The following PRKG1 variants were observed in gnomAD, a reference collection of about 807,000 sequenced individuals.
PRKG1 encodes the protein protein kinase cGMP-dependent 1.
A neutral mutation model predicts 88.1 loss-of-function variants in PRKG1; 35 were observed. The observed-to-expected ratio is 0.40, with a 90% CI of 0.30 to 0.53. The LOEUF is 0.53. Among genes scored for constraint, PRKG1 ranks in the 20% least tolerant of loss-of-function variants. The pLI, the probability that PRKG1 is intolerant of heterozygous loss-of-function variation, is 0.59. For missense variants in PRKG1, 540 were observed against 839.8 expected, an observed-to-expected ratio of 0.64 and a Z score of 4.41; for synonymous variants, 303 against 292.5, an observed-to-expected ratio of 1.04 and a Z score of -0.37.
intron 7 of PRKG1, among the ~76,000 whole-genome samples, chr10:52,077,356 ATC>A (rs1846655674): frequency 6.6e-6 from 1 of 152,172 alleles, no homozygotes; most frequent in African/African-American, 2.4e-5. Context: ...AATTCTATCT[ATC>A]TAAGATATCT....
At chr10:51,286,916 G>A (rs143685524) in intron 2 of PRKG1, among the ~76,000 whole-genome samples, 118 of 152,182 alleles carry the variant, frequency 7.8e-4, no homozygotes, top group Admixed American at 1.8e-3. Context: ...TCACTCTGTC[G>A]CCCAGGCTGG....
intron 9 of PRKG1, among the ~76,000 whole-genome samples, chr10:52,244,784 A>G (rs1840969181): frequency 8.9e-6 from 1 of 112,990 alleles, no homozygotes; most frequent in African/African-American, 2.8e-5. Flanking sequence ...ATACCTTAAT[A>G]TATATTTAAA....
At chr10:52,002,518 G>A (rs1464063211) in intron 5 of PRKG1, among the ~76,000 whole-genome samples, 1 of 152,006 alleles carries the variant, frequency 6.6e-6, no homozygotes, top group Non-Finnish European at 1.5e-5. Context: ...CAATGGCACT[G>A]TGCTGTTGAC....
In PRKG1 at chr10:52,295,607, G is replaced by A. The variant is rs1195644247; in HGVS notation, c.*1707G>A. On this transcript the variant is annotated 3_prime_UTR_variant, in exon 18 of 18. Transcript: ENST00000373980. ...CAAGCTGTCATTCTGTTTTGGCCCTGTGTGAATTTGGTATATTAAATTGAC... is the reference window on the plus strand; with the variant it reads ...CAAGCTGTCATTCTGTTTTGGCCCTATGTGAATTTGGTATATTAAATTGAC... The A allele has an allele frequency of 1.3e-5, 2 of 151,760 alleles. No individual in the cohort carries two copies. Among genetic ancestry groups the A allele is most frequent in the South Asian group, 4.2e-4 (2 of 4,804 alleles). 9.4% of individuals were successfully genotyped at this position (151,760 alleles called of 1,614,324 possible).
chr10:51,782,547 G>A (rs968728677), intron 3 of PRKG1, among the ~76,000 whole-genome samples: 1 of 152,092 alleles, frequency 6.6e-6, no homozygotes, highest in Non-Finnish European at 1.5e-5. Flanking sequence ...GAGCTTGGAC[G>A]TTGATATGGT....
At chr10:51,344,068 T>G (rs997955646) in intron 2 of PRKG1, among the ~76,000 whole-genome samples, 2 of 152,220 alleles carry the variant, frequency 1.3e-5, no homozygotes, top group Admixed American at 6.5e-5. Context: ...TATAAAGAAA[T>G]ACCTGAGACT....
chr10:52,031,898 C>T (rs1845483098), intron 5 of PRKG1, among the ~76,000 whole-genome samples: 2 of 152,022 alleles, frequency 1.3e-5, no homozygotes, highest in Non-Finnish European at 1.5e-5. Flanking sequence ...AAGAACATTC[C>T]AGGATGAGAG....
intron 4 of PRKG1, among the ~76,000 whole-genome samples, chr10:51,836,020 T>G (rs1257575857): frequency 6.6e-6 from 1 of 152,184 alleles, no homozygotes; most frequent in Non-Finnish European, 1.5e-5. Context: ...TGTTGCCACT[T>G]GTATATTTTC....
At chr10:51,169,631 T>A (rs945920503) in intron 2 of PRKG1, among the ~76,000 whole-genome samples, 31 of 134,898 alleles carry the variant, frequency 2.3e-4, no homozygotes, top group Non-Finnish European at 2.9e-4. Flanking sequence ...TAGGGTTTGT[T>A]TTCTATGCAA....
Position 52,159,319 on chromosome 10 carries a change from C to T in PRKG1, c.1002-2570C>T, listed in dbSNP as rs974427687. ...AATAAATATTGGGTCATTAGGACAA[C>T]ATAGAACATTCATATTTTAAATCAA... is the stretch of plus-strand genomic sequence containing the variant. On this transcript the variant is annotated intron_variant, in intron 8 of 17. Transcript: ENST00000373980. Among the ~76,000 whole-genome samples, 19 of 151,628 alleles carry T rather than the reference C, an allele frequency of 1.3e-4. No homozygotes were observed. In the South Asian group the frequency reaches 1.7e-3, roughly 13 times the overall value.
At chr10:51,852,410 G>T (rs892840599) in intron 4 of PRKG1, among the ~76,000 whole-genome samples, 1 of 151,618 alleles carries the variant, frequency 6.6e-6, no homozygotes, top group Non-Finnish European at 1.5e-5. Flanking sequence ...CAGAGGTAGA[G>T]GTGAATAACA....
At chr10:52,040,946 C>G (rs1845741847) in intron 5 of PRKG1, among the ~76,000 whole-genome samples, 2 of 147,020 alleles carry the variant, frequency 1.4e-5, no homozygotes, top group African/African-American at 5.0e-5. Context: ...AAGCAATTCT[C>G]CTGCCTCAGC....
intron 2 of PRKG1, among the ~76,000 whole-genome samples, chr10:51,187,395 A>C (rs549465180): frequency 6.7e-4 from 102 of 152,114 alleles, no homozygotes; most frequent in South Asian, 2.1e-3. Flanking sequence ...AGAAAATATA[A>C]TTTTACTACA....
In PRKG1 at chr10:51,974,116, A is replaced by C. The variant is rs1050110816; in HGVS notation, c.762+66546A>C. On this transcript the variant is annotated intron_variant, in intron 5 of 17. Transcript: ENST00000373980. ...GCCTGCAAAGACTAAAATATTTACT[A>C]TCTGGTCATTTATGGAAAAAGTCTA... Among the ~76,000 whole-genome samples the C allele has an allele frequency of 2.0e-5, 3 of 152,070 alleles. No individual in the cohort carries two copies. The East Asian group carries it at 5.8e-4, about 29-fold the overall frequency.
chr10:51,006,712 C>T (rs1024564170), intron 1 of PRKG1, among the ~76,000 whole-genome samples: 3 of 152,026 alleles, frequency 2.0e-5, no homozygotes, highest in Non-Finnish European at 4.4e-5. Context: ...ATTTCACGCC[C>T]CCTCCCCACC....
At chr10:51,100,330 G>T (rs1564599956) in intron 1 of PRKG1, among the ~76,000 whole-genome samples, 2 of 152,110 alleles carry the variant, frequency 1.3e-5, no homozygotes, top group African/African-American at 4.8e-5. Context: ...ATTTATAAGG[G>T]AGTATTCTTG....
At position 51,596,717 on chromosome 10, in the gene PRKG1, A is replaced by T. The variant is rs141423420; in HGVS notation, c.592+128881A>T. Among the ~76,000 whole-genome samples, 1,034 of 152,328 alleles carry T rather than the reference A, an allele frequency of 6.8e-3. 13 individuals are homozygous for T. Among genetic ancestry groups the T allele is most frequent in the African/African-American group, 0.024 (978 of 41,574 alleles). Reference sequence around the variant, plus strand: ...TATCTCTTCGTTTTCTAAGTTGGAAATACCCTTTAAAGAAATAATCAATGC... The same window carrying T: ...TATCTCTTCGTTTTCTAAGTTGGAATTACCCTTTAAAGAAATAATCAATGC... On this transcript the variant is annotated intron_variant, in intron 3 of 17. Coordinates refer to ENST00000373980, the MANE Select transcript of PRKG1 (RefSeq NM_006258.4).
intron 3 of PRKG1, among the ~76,000 whole-genome samples, chr10:51,708,155 G>C (rs764309310): frequency 3.3e-5 from 5 of 152,124 alleles, no homozygotes; most frequent in Non-Finnish European, 7.4e-5. Context: ...CAAGGTGCAA[G>C]TAGGTTAGGT....
At chr10:51,086,927 C>T (rs982926843) in intron 1 of PRKG1, among the ~76,000 whole-genome samples, 2 of 152,140 alleles carry the variant, frequency 1.3e-5, no homozygotes. Flanking sequence ...GAAAATGGCT[C>T]AAGTATACAT....
Sources: gnomAD v4.1 joint callset for allele counts (sites outside exome capture counted in the v4.1 genomes callset) on GRCh38, gnomAD v4.1.1 for gene constraint, MANE v1.5 for transcripts, NCBI Gene and HGNC (gene_info 2026-07-23, HGNC 2026-07-21) for gene names.